The following GABRB3 variants were observed in gnomAD, a reference collection of about 807,000 sequenced individuals.
The protein encoded by GABRB3 is gamma-aminobutyric acid type A receptor subunit beta3.
A neutral mutation model predicts 52.1 loss-of-function variants in GABRB3; 14 were observed. The observed-to-expected ratio is 0.27, with a 90% CI of 0.18 to 0.42. GABRB3 has a LOEUF of 0.42. GABRB3 is among the 10% of genes least tolerant of loss of function. The pLI is 1.00. For synonymous variants in GABRB3, 260 were observed against 232.3 expected (o/e 1.12, Z -1.08); for missense variants, 307 against 609.1 (o/e 0.50, Z 5.22).
intron 3 of GABRB3, among the ~76,000 whole-genome samples, chr15:26,742,216 T>C (rs761907837): frequency 3.3e-5 from 5 of 152,164 alleles, no homozygotes; most frequent in Non-Finnish European, 5.9e-5. Context: ...TCTTAGAGTT[T>C]GCCTCTTGGG....
rs61998699 is a variant in GABRB3 at position 26,628,710 on chromosome 15, A to G, written c.241-7176T>C. Among the ~76,000 whole-genome samples, 46,429 of 150,618 alleles carry G rather than the reference A, an allele frequency of 0.31. 8,836 individuals carry two copies. Among genetic ancestry groups the G allele is most frequent in the Middle Eastern group, 0.49 (141 of 288 alleles). Reference sequence around the variant, plus strand: ...AAAAACAAAAAAACAAAACAAAACAAAACAAAAAACCAACCAGCGCCACAG... The same window carrying G: ...AAAAACAAAAAAACAAAACAAAACAGAACAAAAAACCAACCAGCGCCACAG... On this transcript the variant is annotated intron_variant, in intron 3 of 8. Coordinates refer to ENST00000311550, the MANE Select transcript of GABRB3 (RefSeq NM_000814.6).
chr15:26,645,400 T>C (rs1349971424), intron 3 of GABRB3, among the ~76,000 whole-genome samples: 1 of 152,208 alleles, frequency 6.6e-6, no homozygotes, highest in Non-Finnish European at 1.5e-5. Flanking sequence ...ATTAAGAATA[T>C]AGCCTTTCGA....
At chr15:26,640,540 C>CTCT (rs1055422636) in intron 3 of GABRB3, among the ~76,000 whole-genome samples, 4 of 152,082 alleles carry the variant, frequency 2.6e-5, no homozygotes, top group Non-Finnish European at 5.9e-5. Context: ...AGCAAAAGGT[C>CTCT]TCTATTCACC....
At chr15:26,684,697 C>T (rs1014967929) in intron 3 of GABRB3, among the ~76,000 whole-genome samples, 3 of 151,906 alleles carry the variant, frequency 2.0e-5, no homozygotes, top group African/African-American at 7.3e-5. Flanking sequence ...GAAAGGGAAG[C>T]CCAAAAACAG....
chr15:26,594,886 A>G (rs1482059157), intron 4 of GABRB3, among the ~76,000 whole-genome samples: 1 of 152,236 alleles, frequency 6.6e-6, no homozygotes, highest in East Asian at 1.9e-4. Flanking sequence ...CAAATGAAAA[A>G]GAGAACAGCA....
chr15:26,720,131 C>T (rs552941286), intron 3 of GABRB3, among the ~76,000 whole-genome samples: 5 of 152,032 alleles, frequency 3.3e-5, no homozygotes, highest in South Asian at 4.2e-4. Context: ...CACTGAGCAC[C>T]TCATGACCCC....
chr15:26,728,430 G>A (rs535154805), intron 3 of GABRB3, among the ~76,000 whole-genome samples: 4 of 152,242 alleles, frequency 2.6e-5, no homozygotes, highest in East Asian at 3.9e-4. Context: ...TAAACACCGC[G>A]TGCTGGAGTG....
intron 3 of GABRB3, chr15:26,767,295 T>C (rs934810999): frequency 1.3e-5 from 2 of 152,190 alleles, no homozygotes; most frequent in African/African-American, 4.8e-5. Flanking sequence ...CAGCGTGCTT[T>C]GTAATAAGAG....
chr15:26,558,826 G>A (rs1484576647), intron 8 of GABRB3, among the ~76,000 whole-genome samples: 2 of 149,966 alleles, frequency 1.3e-5, no homozygotes, highest in South Asian at 2.1e-4. Flanking sequence ...CAACAAGAGC[G>A]AAACTCCATC....
Position 26,598,460 on chromosome 15 carries a change from C to T in GABRB3, c.462-15046G>A, listed in dbSNP as rs146132631. Reference sequence around the variant, plus strand: ...AGATCAAATAGCCACTGTCTACAGACCGGAACATCCTTTTGAAAATTTCAA... The same window carrying T: ...AGATCAAATAGCCACTGTCTACAGATCGGAACATCCTTTTGAAAATTTCAA... On this transcript the variant is annotated intron_variant, in intron 4 of 8. Transcript: ENST00000311550. Among the ~76,000 whole-genome samples, 210 of 152,172 alleles carry T rather than the reference C, an allele frequency of 1.4e-3. 1 individual carries two copies. The highest frequency in any genetic ancestry group is 5.0e-3 in the African/African-American group (206 of 41,520).
intron 8 of GABRB3, among the ~76,000 whole-genome samples, chr15:26,548,809 A>G (rs1037261108): frequency 1.3e-5 from 2 of 152,186 alleles, no homozygotes; most frequent in African/African-American, 2.4e-5. Context: ...AACTTCAGAC[A>G]TTTCATGATG....
intron 4 of GABRB3, among the ~76,000 whole-genome samples, chr15:26,608,552 A>G (rs951745076): frequency 6.6e-6 from 1 of 152,130 alleles, no homozygotes; most frequent in Non-Finnish European, 1.5e-5. Flanking sequence ...CCATCCATTA[A>G]GGGGTTAATA....
In GABRB3 at chr15:26,772,954, G is replaced by C; in HGVS notation, c.9C>G (p.Gly3=). ...TGCCGAAAAGCCTTCCTCCCGCAAGGCCCCACATCCCTCCGCCGCGCCCCG... is the reference window on the plus strand; with the variant it reads ...TGCCGAAAAGCCTTCCTCCCGCAAGCCCCCACATCCCTCCGCCGCGCCCCG... The part of the protein sequence containing the change: MW[G]LAGGRLFGIF... The change falls in exon 1 of 9, where the codon GGC becomes GGG. Residue 3 remains glycine (G), a synonymous_variant. Transcript: ENST00000311550. 6.9e-7 allele frequency: 1 copy of C among 1,450,822 alleles called. No individual in the cohort carries two copies. Among genetic ancestry groups the C allele is most frequent in the African/African-American group, 1.5e-5 (1 of 67,820 alleles). 89.9% of individuals were successfully genotyped at this position (1,450,822 alleles called of 1,614,324 possible).
intron 3 of GABRB3, among the ~76,000 whole-genome samples, chr15:26,680,282 G>A (rs972369710): frequency 3.9e-5 from 6 of 152,192 alleles, no homozygotes; most frequent in African/African-American, 1.4e-4. Context: ...GAGCCAACTG[G>A]TTAAAATGAG....
At chr15:26,716,858 TG>T (rs1236220715) in intron 3 of GABRB3, 2 of 958,182 alleles carry the variant, frequency 2.1e-6, no homozygotes, top group Admixed American at 8.4e-5. Flanking sequence ...AGCCCAGCTC[TG>T]AGGACCTCCA....
At position 26,547,231 on chromosome 15, in the gene GABRB3, C is replaced by T. The variant is rs2140643461; in HGVS notation, c.*562G>A. On this transcript the variant is annotated 3_prime_UTR_variant, in exon 9 of 9. Coordinates refer to ENST00000311550, the MANE Select transcript of GABRB3 (RefSeq NM_000814.6). ...TGCCCGATGAAAACAAACCCCATCACCAGAGAAGCCAAGAAGCCTTTGCTT... is the reference window on the plus strand; with the variant it reads ...TGCCCGATGAAAACAAACCCCATCATCAGAGAAGCCAAGAAGCCTTTGCTT... 1 of 293,134 alleles carries T rather than the reference C, an allele frequency of 3.4e-6. No homozygotes were observed. Among genetic ancestry groups the T allele is most frequent in the East Asian group, 5.5e-5 (1 of 18,282 alleles). 18.2% of individuals were successfully genotyped at this position (293,134 alleles called of 1,614,324 possible).
intron 6 of GABRB3, among the ~76,000 whole-genome samples, chr15:26,571,003 A>G (rs1430483325): frequency 6.6e-6 from 1 of 152,170 alleles, no homozygotes; most frequent in African/African-American, 2.4e-5. Context: ...AGGAGTATTT[A>G]GTTTCTTTAT....
chr15:26,745,256 T>C (rs1890307323), intron 3 of GABRB3, among the ~76,000 whole-genome samples: 1 of 152,206 alleles, frequency 6.6e-6, no homozygotes, highest in South Asian at 2.1e-4. Context: ...CAGAAACATA[T>C]ATTCAAACTA....
intron 3 of GABRB3, among the ~76,000 whole-genome samples, chr15:26,643,307 T>C (rs191230212): frequency 4.4e-4 from 67 of 152,200 alleles, no homozygotes; most frequent in African/African-American, 1.4e-3. Flanking sequence ...CTCAGAATGA[T>C]GGGATGCCAG....
Sources: gnomAD v4.1 joint callset for allele counts (sites outside exome capture counted in the v4.1 genomes callset) on GRCh38, gnomAD v4.1.1 for gene constraint, MANE v1.5 for transcripts, NCBI Gene and HGNC (gene_info 2026-07-23, HGNC 2026-07-21) for gene names.